Variants in CSMD1 observed in about 807,000 individuals in gnomAD.
The protein encoded by CSMD1 is CUB and Sushi multiple domains 1, also known as CUB and sushi domain-containing protein 1.
Under a neutral mutation model 417.5 loss-of-function variants are expected in CSMD1, and 213 were observed. That is an observed-to-expected ratio of 0.51 (90% confidence interval 0.46 to 0.57). The LOEUF (loss-of-function observed/expected upper bound fraction) is 0.57. CSMD1 is among the 20% of genes least tolerant of loss of function. The pLI, the probability that CSMD1 is intolerant of heterozygous loss-of-function variation, is 0.00. For missense variants in CSMD1, 6,923 were observed against 4,529.7 expected, an observed-to-expected ratio of 1.53 and a Z score of -15.17; for synonymous variants, 2,862 against 1,736.8, an observed-to-expected ratio of 1.65 and a Z score of -16.11.
intron 8 of CSMD1, among the ~76,000 whole-genome samples, chr8:3,596,193 AGCAGCCTGCACCACCGCCCCG>A (rs1381385208): frequency 5.9e-5 from 9 of 152,142 alleles, no homozygotes; most frequent in Admixed American, 2.6e-4. Flanking sequence ...GCAGAGCTCC[AGCAGCCTGCACCACCGCCCCG>A]GCAGCCTGCA....
At chr8:4,678,650 T>C (rs1563125426) in intron 1 of CSMD1, among the ~76,000 whole-genome samples, 1 of 152,184 alleles carries the variant, frequency 6.6e-6, no homozygotes, top group South Asian at 2.1e-4. Flanking sequence ...CCTATTTATT[T>C]ATCAGGGAAA....
intron 2 of CSMD1, among the ~76,000 whole-genome samples, chr8:4,496,942 G>A (rs1460263743): frequency 6.6e-6 from 1 of 152,108 alleles, no homozygotes; most frequent in Non-Finnish European, 1.5e-5. Context: ...AGAGGCTGGA[G>A]GAAGCAAACT....
rs1031421895 is a variant in CSMD1 at position 4,459,660 on chromosome 8, A to G, written c.303-39595T>C. Among the ~76,000 whole-genome samples the G allele has an allele frequency of 3.3e-5, 5 of 152,316 alleles. No homozygotes were observed. The South Asian group carries it at 1.0e-3, about 32-fold the overall frequency. Reference sequence around the variant, plus strand: ...AACCTCAAAGCCTGGCCTCAAAAATATCTCCTGCAAAGAAGTGTGGACATA... The same window carrying G: ...AACCTCAAAGCCTGGCCTCAAAAATGTCTCCTGCAAAGAAGTGTGGACATA... On this transcript the variant is annotated intron_variant, in intron 2 of 69. Coordinates refer to ENST00000635120, the MANE Select transcript of CSMD1 (RefSeq NM_033225.6).
chr8:4,331,540 C>G (rs1367740680), intron 3 of CSMD1, among the ~76,000 whole-genome samples: 6 of 152,066 alleles, frequency 3.9e-5, no homozygotes, highest in African/African-American at 1.4e-4. Flanking sequence ...TTTGTGTAAG[C>G]CTGGCAGTAT....
chr8:3,226,284 C>T (rs542507824), intron 27 of CSMD1, among the ~76,000 whole-genome samples: 9 of 152,122 alleles, frequency 5.9e-5, no homozygotes, highest in South Asian at 2.1e-4. Flanking sequence ...ACACTTTACT[C>T]GGAATAAGGA....
chr8:4,372,233 C>G (rs920290428), intron 3 of CSMD1, among the ~76,000 whole-genome samples: 2 of 152,060 alleles, frequency 1.3e-5, no homozygotes, highest in Admixed American at 1.3e-4. Context: ...AAAAGTAAAA[C>G]TTTATATGAA....
intron 1 of CSMD1, among the ~76,000 whole-genome samples, chr8:4,638,494 C>T (rs1012505367): frequency 2.0e-5 from 3 of 152,120 alleles, no homozygotes; most frequent in African/African-American, 4.8e-5. Context: ...AGCAGCTCAG[C>T]AAAACGAGGA....
intron 1 of CSMD1, among the ~76,000 whole-genome samples, chr8:4,820,592 A>G (rs555338420): frequency 5.2e-4 from 79 of 152,308 alleles, no homozygotes; most frequent in African/African-American, 1.8e-3. Flanking sequence ...GTGAAAACAA[A>G]CGGGATAGCT....
At chr8:4,464,791 G>C in intron 2 of CSMD1, among the ~76,000 whole-genome samples, 1 of 152,178 alleles carries the variant, frequency 6.6e-6, no homozygotes, top group Admixed American at 6.5e-5. Flanking sequence ...TGGGCTGAGA[G>C]ATCAAGAAAA....
intron 52 of CSMD1, among the ~76,000 whole-genome samples, chr8:3,011,193 C>T (rs1267755488): frequency 3.3e-5 from 5 of 152,044 alleles, no homozygotes; most frequent in African/African-American, 1.2e-4. Context: ...GACAGAAAAA[C>T]CCACCGCTGA....
chr8:4,852,395 T>C (rs1472945663), intron 1 of CSMD1, among the ~76,000 whole-genome samples: 1 of 152,126 alleles, frequency 6.6e-6, no homozygotes, highest in Admixed American at 6.5e-5. Context: ...CCTCTCTCTC[T>C]CGTTCTCACT....
intron 2 of CSMD1, among the ~76,000 whole-genome samples, chr8:4,434,850 C>A (rs1011831970): frequency 6.6e-6 from 1 of 152,196 alleles, no homozygotes; most frequent in African/African-American, 2.4e-5. Flanking sequence ...GTCTCCTGGG[C>A]AACCGCAAGA....
chr8:3,845,974 T>A (rs1242882829), intron 5 of CSMD1, among the ~76,000 whole-genome samples: 1 of 152,048 alleles, frequency 6.6e-6, no homozygotes, highest in Non-Finnish European at 1.5e-5. Context: ...GGGGCAGTAG[T>A]ACCCATGGAG....
chr8:3,839,134 G>C (rs1240271795), intron 5 of CSMD1, among the ~76,000 whole-genome samples: 1 of 122,130 alleles, frequency 8.2e-6, no homozygotes, highest in Non-Finnish European at 1.6e-5. Context: ...ACTCTCTCTA[G>C]ATATATATAG....
intron 3 of CSMD1, among the ~76,000 whole-genome samples, chr8:4,273,302 T>C (rs765337208): frequency 3.9e-5 from 6 of 152,174 alleles, no homozygotes; most frequent in Non-Finnish European, 7.3e-5. Context: ...GTATATAATT[T>C]TTCCAGTTTT....
intron 5 of CSMD1, among the ~76,000 whole-genome samples, chr8:3,974,456 A>T (rs1057000248): frequency 7.9e-5 from 12 of 152,080 alleles, no homozygotes; most frequent in Non-Finnish European, 1.6e-4. Context: ...ATAATAGTAT[A>T]TGGCTACTTA....
intron 2 of CSMD1, among the ~76,000 whole-genome samples, chr8:4,481,146 C>T (rs1237308789): frequency 6.6e-6 from 1 of 152,192 alleles, no homozygotes; most frequent in Admixed American, 6.5e-5. Context: ...GAGAGCCACA[C>T]ATGTAAGATT....
intron 20 of CSMD1, among the ~76,000 whole-genome samples, chr8:3,361,364 C>T (rs1489578882): frequency 1.3e-5 from 2 of 152,072 alleles, no homozygotes; most frequent in African/African-American, 2.4e-5. Flanking sequence ...CACTGTGGCT[C>T]ATACCTGTAA....
chr8:4,545,986 C>T (rs6989629), intron 2 of CSMD1, among the ~76,000 whole-genome samples: 2 of 152,028 alleles, frequency 1.3e-5, no homozygotes, highest in Non-Finnish European at 2.9e-5. Flanking sequence ...CTTCTTATGA[C>T]CCCCTTCTAC....
Sources: gnomAD v4.1 joint callset for allele counts (sites outside exome capture counted in the v4.1 genomes callset) on GRCh38, gnomAD v4.1.1 for gene constraint, MANE v1.5 for transcripts, NCBI Gene and HGNC (gene_info 2026-07-23, HGNC 2026-07-21) for gene names.